ATG2B: variants seen among roughly 807,000 people sequenced by gnomAD.
ATG2B encodes autophagy-related protein 2 homolog B.
In ATG2B, 121 loss-of-function variants were observed where a neutral mutation model predicts 241.3. The observed-to-expected ratio is 0.50, with a 90% CI of 0.43 to 0.58. ATG2B has a LOEUF of 0.58. Ranked by LOEUF, ATG2B falls within the 20% of genes least tolerant of loss-of-function variation. ATG2B has a pLI of 0.00. For missense variants in ATG2B, 2,306 were observed against 2,491.6 expected, an observed-to-expected ratio of 0.93 and a Z score of 1.59; for synonymous variants, 858 against 876.6, an observed-to-expected ratio of 0.98 and a Z score of 0.37.
At position 96,322,571 on chromosome 14, in the gene ATG2B, G is replaced by C. The variant is rs758525648; in HGVS notation, c.2705C>G (p.Ser902Cys). The change falls in exon 17 of 42, where the codon TCT (serine) becomes TGT (cysteine). Residue 902 changes from serine to cysteine, a missense_variant. By Grantham distance (112) the Ser-to-Cys change is moderately radical. Coordinates refer to ENST00000359933, the MANE Select transcript of ATG2B (RefSeq NM_018036.7). The stretch of plus-strand genomic sequence containing the variant: ...ATTTTCAAACATTACTCTACGAGAA[G>C]AAAAAGGAGATGGGGCTGGTCTTCT... ...DLRRPAPSPF[S>C]SRRVMFENEQ... 44 of 1,612,552 alleles carry C rather than the reference G, an allele frequency of 2.7e-5. No individual in the cohort carries two copies. In the South Asian group the frequency reaches 4.7e-4, roughly 17 times the overall value.
At chr14:96,304,338 A>G (rs979050526) in intron 32 of ATG2B, among the ~76,000 whole-genome samples, 157 bp downstream of exon 32, 3 of 152,238 alleles carry the variant, frequency 2.0e-5, no homozygotes, top group African/African-American at 7.2e-5. Context: ...AGAACATTTG[A>G]GAATGAAAAA....
At chr14:96,311,427 T>C (rs1004695873) in intron 27 of ATG2B, 115 bp downstream of exon 27, 1 of 1,164,734 alleles carries the variant, frequency 8.6e-7, no homozygotes, top group Non-Finnish European at 1.2e-6. Context: ...AATCCATTTT[T>C]AATATACTTA....
chr14:96,319,087 G>A (rs550249353), intron 18 of ATG2B, among the ~76,000 whole-genome samples: 33 of 152,320 alleles, frequency 2.2e-4, no homozygotes, highest in African/African-American at 5.3e-4. Context: ...AAGGCGCCGC[G>A]TGGTGAGGCA....
chr14:96,308,239 T>C (rs1450554560), intron 29 of ATG2B, among the ~76,000 whole-genome samples: 1 of 17,478 alleles, frequency 5.7e-5, no homozygotes, highest in South Asian at 1.0e-3. Flanking sequence ...TACATATATA[T>C]ATATATATAT....
At position 96,312,109 on chromosome 14, in the gene ATG2B, A is replaced by C; in HGVS notation, c.3893T>G (p.Val1298Gly). The stretch of plus-strand genomic sequence containing the variant: ...CTTACCTCTACTCAGATTTATAGTG[A>C]CAGTATTGCATTTGTCAGATAGATG... ...ALHLSDKCNTVTINLSRDYVR... is the reference protein window; with the variant it reads ...ALHLSDKCNTGTINLSRDYVR... The change falls in exon 26 of 42, where the codon GTC becomes GGC. Residue 1298 changes from valine (V) to glycine (G), a missense_variant. This residue lies in a region of ATG2B where 1,927 missense variants were observed against 2,011.2 expected (regional missense o/e 0.96). Transcript: ENST00000359933. The C allele has an allele frequency of 6.2e-7, 1 of 1,604,472 alleles. No homozygotes were observed. Among genetic ancestry groups the C allele is most frequent in the South Asian group, 1.1e-5 (1 of 89,064 alleles).
At chr14:96,354,070 GT>G (rs935967743) in intron 1 of ATG2B, among the ~76,000 whole-genome samples, 4 of 152,160 alleles carry the variant, frequency 2.6e-5, no homozygotes, top group African/African-American at 9.6e-5. Context: ...GGAATATGTA[GT>G]TTTTTAAAAA....
chr14:96,308,181 TACATAA>T, intron 29 of ATG2B, among the ~76,000 whole-genome samples: 1 of 135,958 alleles, frequency 7.4e-6, no homozygotes, highest in African/African-American at 2.8e-5. Context: ...TATATATAAA[TACATAA>T]ATATATATAT....
intron 9 of ATG2B, 22 bp downstream of exon 9, chr14:96,332,479 G>A (rs373939772): frequency 3.0e-5 from 48 of 1,611,312 alleles, no homozygotes; most frequent in Non-Finnish European, 3.9e-5. Context: ...CAGTCTAGAA[G>A]AAAAATTAAG....
intron 38 of ATG2B, 115 bp from the exon 39 acceptor site, chr14:96,291,050 A>G (rs1180775605): frequency 2.3e-6 from 2 of 852,096 alleles, no homozygotes; most frequent in Non-Finnish European, 3.5e-6. Context: ...GGCAAATATT[A>G]CAGGTGCTTC....
intron 29 of ATG2B, among the ~76,000 whole-genome samples, chr14:96,308,219 AAT>A (rs1204291663): frequency 2.7e-5 from 2 of 74,038 alleles, no homozygotes; most frequent in African/African-American, 9.6e-5. Context: ...TAAATACATA[AAT>A]ATATATATAC....
chr14:96,326,753 T>C (rs1433701682), intron 14 of ATG2B, among the ~76,000 whole-genome samples: 1 of 152,142 alleles, frequency 6.6e-6, no homozygotes, highest in African/African-American at 2.4e-5. Context: ...TCGAAACAGG[T>C]CTTGCTGTAT....
rs1055105756 is a variant in ATG2B at position 96,313,012 on chromosome 14, T to C, written c.3842+53A>G. 17 of 1,104,074 alleles carry C rather than the reference T, an allele frequency of 1.5e-5. No homozygotes were observed. In the Admixed American group the frequency reaches 3.7e-4, roughly 24 times the overall value. The allele number at this position is 1,104,074 out of a possible 1,614,324, so 68.4% of individuals were successfully genotyped here. On this transcript the variant is annotated intron_variant, in intron 25 of 41. Coordinates refer to ENST00000359933, the MANE Select transcript of ATG2B (RefSeq NM_018036.7). ...ATAAAATGGTTTAGGTAAATATCAA[T>C]TGGTATGTTTCGAACAGCTTTGTTT...
At chr14:96,322,471 A>C in intron 17 of ATG2B, 69 bp downstream of exon 17, 1 of 1,478,214 alleles carries the variant, frequency 6.8e-7, no homozygotes, top group Non-Finnish European at 9.0e-7. Context: ...TAAAAATAAA[A>C]AATCAAAAGC....
intron 17 of ATG2B, 79 bp downstream of exon 17, chr14:96,322,461 T>A (rs973803539): frequency 8.0e-5 from 116 of 1,445,590 alleles, no homozygotes; most frequent in South Asian, 3.6e-4. Flanking sequence ...GGCATTTTTT[T>A]AAAAATAAAA....
chr14:96,340,062 T>G (rs988262496), intron 6 of ATG2B, among the ~76,000 whole-genome samples: 1 of 80,746 alleles, frequency 1.2e-5, no homozygotes, highest in Non-Finnish European at 2.9e-5. Flanking sequence ...TATGAATATA[T>G]GCTATATGTG....
At chr14:96,331,791 T>C (rs971638963) in intron 10 of ATG2B, among the ~76,000 whole-genome samples, 154 bp from the exon 11 acceptor site, 2 of 152,252 alleles carry the variant, frequency 1.3e-5, no homozygotes, top group Non-Finnish European at 2.9e-5. Flanking sequence ...AATCAACTGC[T>C]ATCTTGCTGC....
intron 18 of ATG2B, among the ~76,000 whole-genome samples, chr14:96,320,552 C>T (rs1476825108): frequency 6.6e-6 from 1 of 151,842 alleles, no homozygotes; most frequent in Non-Finnish European, 1.5e-5. Context: ...GAAAAAAAGA[C>T]AACATAGAAT....
intron 6 of ATG2B, among the ~76,000 whole-genome samples, chr14:96,339,820 C>G (rs1479521581): frequency 6.6e-6 from 1 of 151,638 alleles, no homozygotes; most frequent in Non-Finnish European, 1.5e-5. Context: ...CAGAATTTAC[C>G]ACTAAAGAAC....
At chr14:96,339,270 C>CAGTG (rs1887945127) in intron 6 of ATG2B, among the ~76,000 whole-genome samples, 1 of 108,926 alleles carries the variant, frequency 9.2e-6, no homozygotes, top group Admixed American at 8.8e-5. Flanking sequence ...AGCAATTCCA[C>CAGTG]AGTGTGTGTG....
Sources: allele counts gnomAD v4.1 joint callset (sites outside exome capture counted in the v4.1 genomes callset), GRCh38; gene constraint gnomAD v4.1.1; regional missense constraint gnomAD v4.1.1; transcripts MANE v1.5; gene names NCBI Gene and HGNC (gene_info 2026-07-23, HGNC 2026-07-21).